Variants in PLXDC2 observed in about 807,000 individuals in gnomAD.
PLXDC2 encodes the protein plexin domain containing 2.
In PLXDC2, 40 loss-of-function variants were observed where a neutral mutation model predicts 68.9. That is an observed-to-expected ratio of 0.58 (90% CI 0.45 to 0.76). The LOEUF (loss-of-function observed/expected upper bound fraction) is 0.76, where lower values mean the gene tolerates loss of function less well. Ranked by LOEUF, PLXDC2 falls within the 30% of genes least tolerant of loss-of-function variation. The pLI is 0.00. For synonymous variants in PLXDC2, 243 were observed against 234.2 expected, an observed-to-expected ratio of 1.04 and a Z score of -0.34; for missense variants, 644 against 661.9, an observed-to-expected ratio of 0.97 and a Z score of 0.30.
intron 1 of PLXDC2, among the ~76,000 whole-genome samples, chr10:19,911,992 A>G (rs1002963247): frequency 6.6e-6 from 1 of 152,132 alleles, no homozygotes; most frequent in Non-Finnish European, 1.5e-5. Flanking sequence ...TTCTCTATAT[A>G]GGCTCCACTC....
chr10:19,842,762 T>C (rs1376930694), intron 1 of PLXDC2, among the ~76,000 whole-genome samples: 2 of 152,194 alleles, frequency 1.3e-5, no homozygotes, highest in East Asian at 3.9e-4. Context: ...GATAGACTTT[T>C]CCTCGTATAT....
intron 9 of PLXDC2, among the ~76,000 whole-genome samples, chr10:20,201,489 G>T (rs1834917006): frequency 6.6e-6 from 1 of 151,814 alleles, no homozygotes; most frequent in Admixed American, 6.6e-5. Context: ...TTTATATACA[G>T]TATAATAGAT....
chr10:19,902,904 G>T (rs1838182273), intron 1 of PLXDC2, among the ~76,000 whole-genome samples: 1 of 152,112 alleles, frequency 6.6e-6, no homozygotes, highest in African/African-American at 2.4e-5. Flanking sequence ...GCTGGATTTT[G>T]TCAAATGCTT....
chr10:20,113,685 T>C (rs1057052614), intron 4 of PLXDC2, among the ~76,000 whole-genome samples: 1 of 152,168 alleles, frequency 6.6e-6, no homozygotes, highest in Non-Finnish European at 1.5e-5. Flanking sequence ...TGGAAAACAC[T>C]AGTGTACCCA....
At chr10:20,096,666 G>A (rs545711658) in intron 4 of PLXDC2, among the ~76,000 whole-genome samples, 110 of 152,136 alleles carry the variant, frequency 7.2e-4, no homozygotes, top group Middle Eastern at 3.4e-3. Flanking sequence ...AAATAATTTA[G>A]GCCTAAGGAC....
intron 4 of PLXDC2, among the ~76,000 whole-genome samples, chr10:20,089,343 G>T (rs898096749): frequency 3.9e-5 from 6 of 152,094 alleles, no homozygotes; most frequent in African/African-American, 1.4e-4. Flanking sequence ...AGCAAGAGTG[G>T]GCTTGTGGTA....
At chr10:20,155,622 T>C (rs1169313252) in intron 6 of PLXDC2, among the ~76,000 whole-genome samples, 1 of 152,068 alleles carries the variant, frequency 6.6e-6, no homozygotes, top group African/African-American at 2.4e-5. Context: ...AAGTAAAATA[T>C]TAAAATTTTA....
intron 1 of PLXDC2, among the ~76,000 whole-genome samples, chr10:19,976,642 T>C (rs1834460978): frequency 1.3e-5 from 2 of 152,200 alleles, no homozygotes; most frequent in African/African-American, 2.4e-5. Context: ...AATTCTTTCA[T>C]TGCAGAGCAC....
intron 1 of PLXDC2, among the ~76,000 whole-genome samples, chr10:19,948,672 C>T (rs1050154286): frequency 2.2e-4 from 34 of 152,144 alleles, no homozygotes; most frequent in African/African-American, 8.0e-4. Context: ...TTTAGCGCTC[C>T]TATGCCTTTG....
At chr10:19,916,036 C>T (rs1833359502) in intron 1 of PLXDC2, among the ~76,000 whole-genome samples, 1 of 151,650 alleles carries the variant, frequency 6.6e-6, no homozygotes, top group Admixed American at 6.6e-5. Flanking sequence ...GTACAAAGTA[C>T]ATCTGACTTG....
At chr10:20,053,497 TAA>T (rs1392266555) in intron 3 of PLXDC2, among the ~76,000 whole-genome samples, 8 of 152,136 alleles carry the variant, frequency 5.3e-5, no homozygotes, top group South Asian at 2.1e-4. Flanking sequence ...TTTGCAAATC[TAA>T]AAGTTTCTGA....
chr10:20,023,736 A>G (rs1835351680), intron 2 of PLXDC2, among the ~76,000 whole-genome samples: 1 of 150,942 alleles, frequency 6.6e-6, no homozygotes, highest in African/African-American at 2.4e-5. Context: ...GCAATCCACA[A>G]AAGTTATTTA....
At chr10:20,060,207 T>C (rs1184358446) in intron 3 of PLXDC2, among the ~76,000 whole-genome samples, 1 of 151,926 alleles carries the variant, frequency 6.6e-6, no homozygotes, top group Non-Finnish European at 1.5e-5. Context: ...TTTTTTATTT[T>C]TGTAGAGACA....
intron 1 of PLXDC2, among the ~76,000 whole-genome samples, chr10:19,837,730 G>C (rs1836826146): frequency 6.6e-6 from 1 of 152,166 alleles, no homozygotes; most frequent in African/African-American, 2.4e-5. Context: ...TCAGTCTGCA[G>C]TGATCGTTCA....
chr10:19,995,988 G>A (rs1344271095), intron 1 of PLXDC2, among the ~76,000 whole-genome samples: 1 of 152,214 alleles, frequency 6.6e-6, no homozygotes, highest in South Asian at 2.1e-4. Flanking sequence ...ATGGGGACAA[G>A]GAAGAGATAG....
At position 20,227,184 on chromosome 10, in the gene PLXDC2, T is replaced by C. The variant is rs559720394; in HGVS notation, c.1312+8082T>C. 5.9e-5 allele frequency among the ~76,000 whole-genome samples: 9 copies of C among 152,244 alleles called. No homozygotes were observed. In the South Asian group the frequency reaches 1.9e-3, roughly 32 times the overall value. ...CTTCAACTATTGTGTACCAGGCCCA[T>C]TGTTAGGTGATGCAGATGCAAAGAT... On this transcript the variant is annotated intron_variant, in intron 12 of 13. Transcript: ENST00000377252.
intron 2 of PLXDC2, among the ~76,000 whole-genome samples, chr10:20,008,417 G>A (rs1262264906): frequency 6.6e-6 from 1 of 152,118 alleles, no homozygotes; most frequent in Non-Finnish European, 1.5e-5. Flanking sequence ...AGCCAGGCAT[G>A]GTGGTGCGTG....
intron 1 of PLXDC2, among the ~76,000 whole-genome samples, chr10:19,962,457 C>A (rs1368857352): frequency 7.8e-6 from 1 of 128,106 alleles, no homozygotes; most frequent in African/African-American, 3.0e-5. Flanking sequence ...GTGGCACGAT[C>A]TCGGCTCACT....
At chr10:20,116,373 C>G (rs189520922) in intron 4 of PLXDC2, among the ~76,000 whole-genome samples, 109 of 152,268 alleles carry the variant, frequency 7.2e-4, no homozygotes, top group African/African-American at 2.6e-3. Context: ...TATCTGTTCT[C>G]GGGTTGTCCC....
Sources: gnomAD v4.1 joint callset for allele counts (sites outside exome capture counted in the v4.1 genomes callset) on GRCh38, gnomAD v4.1.1 for gene constraint, MANE v1.5 for transcripts, NCBI Gene and HGNC (gene_info 2026-07-23, HGNC 2026-07-21) for gene names.